ZNF420: variants seen among roughly 807,000 people sequenced by gnomAD.
The protein encoded by ZNF420 is zinc finger protein 420, also known as ATM and p53-associated KZNF protein.
Under a neutral mutation model 44.7 loss-of-function variants are expected in ZNF420, and 31 were observed. The observed-to-expected ratio is 0.69, with a 90% CI of 0.52 to 0.94. ZNF420 has a LOEUF of 0.94. Among genes scored for constraint, ZNF420 ranks in the 40% least tolerant of loss-of-function variants. The probability of loss-of-function intolerance (pLI) is 0.00; values close to 1 mark genes in which losing one functional copy is unlikely to be tolerated. For synonymous variants in ZNF420, 245 were observed against 267.4 expected (o/e 0.92, Z 0.82); for missense variants, 681 against 827.9 (o/e 0.82, Z 2.18).
intron 2 of ZNF420, among the ~76,000 whole-genome samples, chr19:37,084,153 C>T (rs1010959607): frequency 2.2e-4 from 34 of 152,118 alleles, no homozygotes; most frequent in African/African-American, 7.7e-4. Context: ...AACTCTAAGA[C>T]ATAACTTCAT....
At chr19:37,091,281 CT>C in intron 4 of ZNF420, 160 bp downstream of exon 4, 1 of 669,868 alleles carries the variant, frequency 1.5e-6, no homozygotes, top group Non-Finnish European at 2.3e-6. Flanking sequence ...CTCAGGGCAC[CT>C]TTATCTTTTC....
chr19:37,066,407 C>T (rs1000951218), intron 1 of ZNF420, among the ~76,000 whole-genome samples: 3 of 151,150 alleles, frequency 2.0e-5, no homozygotes, highest in African/African-American at 7.3e-5. Flanking sequence ...TGCACTCCAG[C>T]CTGGGTGACA....
At chr19:37,021,449 T>C (rs1399650437) in intron 1 of ZNF420, among the ~76,000 whole-genome samples, 1 of 152,056 alleles carries the variant, frequency 6.6e-6, no homozygotes, top group Non-Finnish European at 1.5e-5. Flanking sequence ...GTATTTTTAG[T>C]AGAGATGGGG....
At chr19:37,123,235 C>T (rs1971153526) in intron 4 of ZNF420, among the ~76,000 whole-genome samples, 1 of 152,332 alleles carries the variant, frequency 6.6e-6, no homozygotes, top group African/African-American at 2.4e-5. Flanking sequence ...TTCTATCCAT[C>T]TAGCTTCTGT....
intron 1 of ZNF420, among the ~76,000 whole-genome samples, chr19:37,064,662 C>T (rs778174286): frequency 5.9e-5 from 9 of 152,148 alleles, no homozygotes; most frequent in Non-Finnish European, 1.0e-4. Flanking sequence ...CCATTACTGC[C>T]GCCATACTCT....
chr19:37,059,213 C>T (rs913345530), intron 1 of ZNF420, among the ~76,000 whole-genome samples: 1 of 152,190 alleles, frequency 6.6e-6, no homozygotes, highest in African/African-American at 2.4e-5. Context: ...CGCCCGCGGC[C>T]CCCTCTCCCA....
upstream of ZNF420, among the ~76,000 whole-genome samples, chr19:37,077,816 G>T (rs976017738): frequency 1.3e-5 from 2 of 152,046 alleles, no homozygotes; most frequent in Non-Finnish European, 2.9e-5. Context: ...CCACAATAGA[G>T]ATCTGTGTAA....
In ZNF420 at chr19:37,070,041, T is replaced by C. The variant is rs565164535; in HGVS notation, c.-124-10304T>C. ...TATATCCCAAAAATTATTATAAAAC[T>C]GCTACAGCATGGAAATAGCACAGGG... On this transcript the variant is annotated intron_variant, in intron 1 of 4. Coordinates refer to the ZNF420 transcript ENST00000587029. 3.9e-5 allele frequency among the ~76,000 whole-genome samples: 6 copies of C among 152,236 alleles called. No individual in the cohort carries two copies. The South Asian group carries it at 1.2e-3, about 32-fold the overall frequency.
chr19:37,032,177 T>G (rs968984478), intron 1 of ZNF420, among the ~76,000 whole-genome samples: 14 of 151,734 alleles, frequency 9.2e-5, no homozygotes, highest in African/African-American at 2.7e-4. Context: ...ACCCTATCTT[T>G]ACTAAAAATA....
At chr19:37,098,737 G>T (rs1005460846) in intron 4 of ZNF420, among the ~76,000 whole-genome samples, 1 of 152,244 alleles carries the variant, frequency 6.6e-6, no homozygotes, top group South Asian at 2.1e-4. Flanking sequence ...AGGCATTCAG[G>T]ACATTTTTGT....
At chr19:37,113,552 T>C (rs988417591) in intron 4 of ZNF420, among the ~76,000 whole-genome samples, 1 of 152,172 alleles carries the variant, frequency 6.6e-6, no homozygotes, top group Non-Finnish European at 1.5e-5. Context: ...TTACGGGCAT[T>C]CTCATTGGTA....
At chr19:37,102,704 A>G (rs1457568896) in intron 4 of ZNF420, among the ~76,000 whole-genome samples, 1 of 152,198 alleles carries the variant, frequency 6.6e-6, no homozygotes, top group Non-Finnish European at 1.5e-5. Context: ...TTCTGCAAAG[A>G]GACTTTTATC....
chr19:37,119,616 A>G (rs572354291), intron 4 of ZNF420, among the ~76,000 whole-genome samples: 2 of 152,304 alleles, frequency 1.3e-5, no homozygotes, highest in East Asian at 3.9e-4. Flanking sequence ...AGAAATAACT[A>G]AAATCAGAGC....
chr19:37,095,834 G>A (rs920255886), intron 4 of ZNF420, among the ~76,000 whole-genome samples: 3 of 152,020 alleles, frequency 2.0e-5, no homozygotes, highest in African/African-American at 7.2e-5. Flanking sequence ...CCTGACCTCA[G>A]GTGATCCACC....
At chr19:37,066,100 A>G (rs1967962026) in intron 1 of ZNF420, among the ~76,000 whole-genome samples, 1 of 152,238 alleles carries the variant, frequency 6.6e-6, no homozygotes, top group Non-Finnish European at 1.5e-5. Context: ...TGTTATCAAA[A>G]ATGTTTTTCT....
chr19:37,095,955 C>T (rs1026738569), intron 4 of ZNF420: 1 of 152,202 alleles, frequency 6.6e-6, no homozygotes. Flanking sequence ...TGCAAAATAA[C>T]CTTGTTTCAC....
chr19:37,121,820 C>T (rs925549882), intron 4 of ZNF420, among the ~76,000 whole-genome samples: 4 of 152,174 alleles, frequency 2.6e-5, no homozygotes, highest in African/African-American at 9.7e-5. Flanking sequence ...TATGAACAGA[C>T]ACTTCTCAAA....
At chr19:37,026,318 C>T (rs1470977991) in intron 1 of ZNF420, among the ~76,000 whole-genome samples, 3 of 147,764 alleles carry the variant, frequency 2.0e-5, no homozygotes, top group Admixed American at 6.7e-5. Flanking sequence ...CCACCATGCC[C>T]GGCTCTTTTT....
At chr19:37,074,708 G>A (rs892725964), upstream of ZNF420, among the ~76,000 whole-genome samples, 9 of 152,024 alleles carry the variant, frequency 5.9e-5, no homozygotes, top group Admixed American at 4.6e-4. Context: ...CTTGTTCTTC[G>A]AGATGCGTGC....
Sources: gnomAD v4.1 joint callset for allele counts (sites outside exome capture counted in the v4.1 genomes callset) on GRCh38, gnomAD v4.1.1 for gene constraint, MANE v1.5 for transcripts, NCBI Gene and HGNC (gene_info 2026-07-23, HGNC 2026-07-21) for gene names.